The following KDM1A variants were observed in gnomAD, a reference collection of about 807,000 sequenced individuals.
KDM1A encodes lysine-specific histone demethylase 1A.
A neutral mutation model predicts 109.4 loss-of-function variants in KDM1A; 49 were observed. That is an observed-to-expected ratio of 0.45 (90% CI 0.36 to 0.57). The LOEUF (loss-of-function observed/expected upper bound fraction) is 0.57. KDM1A is among the 20% of genes least tolerant of loss of function. KDM1A has a pLI of 0.00. For synonymous variants in KDM1A, 380 were observed against 415.4 expected (o/e 0.91, Z 1.04); for missense variants, 668 against 1,116.6 (o/e 0.60, Z 5.73).
intron 2 of KDM1A, among the ~76,000 whole-genome samples, chr1:23,043,584 A>G (rs1191438337): frequency 2.0e-5 from 3 of 152,228 alleles, no homozygotes. Context: ...ATAGTGTACC[A>G]GGTGACTAGA....
chr1:23,034,418 A>G (rs1457850033), intron 2 of KDM1A, among the ~76,000 whole-genome samples: 5 of 152,150 alleles, frequency 3.3e-5, no homozygotes, highest in East Asian at 3.8e-4. Flanking sequence ...AATAGAGTCA[A>G]ATCTCCTTCA....
At chr1:23,076,698 G>A (rs939060720) in intron 15 of KDM1A, among the ~76,000 whole-genome samples, 24 of 152,140 alleles carry the variant, frequency 1.6e-4, no homozygotes, top group African/African-American at 5.1e-4. Context: ...AAGGCCGAGC[G>A]TGGTGGCTCA....
chr1:23,060,923 T>G (rs543846273), intron 9 of KDM1A, among the ~76,000 whole-genome samples: 1 of 152,218 alleles, frequency 6.6e-6, no homozygotes, highest in South Asian at 2.1e-4. Flanking sequence ...GCTATTACCG[T>G]CCTCAAGAAG....
intron 15 of KDM1A, among the ~76,000 whole-genome samples, chr1:23,074,198 T>C (rs1457520346): frequency 6.6e-6 from 1 of 152,244 alleles, no homozygotes; most frequent in Non-Finnish European, 1.5e-5. Flanking sequence ...ACTAGTGATG[T>C]AGAGCAACTC....
chr1:23,050,993 G>A (rs1642652247), intron 4 of KDM1A, among the ~76,000 whole-genome samples: 1 of 152,160 alleles, frequency 6.6e-6, no homozygotes, highest in African/African-American at 2.4e-5. Context: ...GCTGAAGCAG[G>A]AGAATCGCTT....
chr1:23,057,801 T>C, intron 8 of KDM1A: 1 of 42,930 alleles, frequency 2.3e-5, no homozygotes, highest in East Asian at 6.0e-4. Context: ...TGTTTGAAGC[T>C]TTTTTTTTTT....
In KDM1A at chr1:23,079,559, T is replaced by C. The variant is rs996944521; in HGVS notation, c.2062T>C (p.Leu688=). 2 of 1,612,936 alleles carry C rather than the reference T, an allele frequency of 1.2e-6. No homozygotes were observed. The highest frequency in any genetic ancestry group is 1.3e-5 in the African/African-American group (1 of 74,810). The part of the protein sequence containing the change: ...MGFGNLNKVV[L]CFDRVFWDPS... ...TGCTTCTTTCTTATGGTAGGTGGTGTTGTGTTTTGATCGGGTGTTCTGGGA... is the reference window on the plus strand; with the variant it reads ...TGCTTCTTTCTTATGGTAGGTGGTGCTGTGTTTTGATCGGGTGTTCTGGGA... The change falls in exon 18 of 21, where the codon TTG becomes CTG. Residue 688 remains leucine (L), a synonymous_variant. Transcript: ENST00000400181. This position sits in a 1 kb window ranked among gnomAD's most constrained non-coding sequence, Gnocchi z 5.6.
At chr1:23,036,444 G>GCCCCCCCCCCCCCCCCCCCCCCCCCACC (rs5773033) in intron 2 of KDM1A, among the ~76,000 whole-genome samples, 3 of 121,598 alleles carry the variant, frequency 2.5e-5, no homozygotes, top group Non-Finnish European at 5.1e-5. Context: ...TTCTTGCCAC[G>GCCCCCCCCCCCCCCCCCCCCCCCCCACC]CCCCCCCCCT....
intron 2 of KDM1A, among the ~76,000 whole-genome samples, chr1:23,040,843 G>T (rs1431647025): frequency 6.6e-6 from 1 of 152,184 alleles, no homozygotes; most frequent in Non-Finnish European, 1.5e-5. Flanking sequence ...GGACTATTTT[G>T]TAGGTTTGGT....
At chr1:23,056,610 T>G (rs1642837637) in intron 7 of KDM1A, among the ~76,000 whole-genome samples, 2 of 152,082 alleles carry the variant, frequency 1.3e-5, no homozygotes, top group African/African-American at 2.4e-5. Flanking sequence ...AACTGCTAAT[T>G]TTTTAAAAGA....
chr1:23,036,706 G>A (rs1209738008), intron 2 of KDM1A, among the ~76,000 whole-genome samples: 4 of 151,904 alleles, frequency 2.6e-5, no homozygotes, highest in African/African-American at 4.8e-5. Flanking sequence ...AGACATAAAT[G>A]CATAATGGAA....
chr1:23,042,723 A>T (rs1200302631), intron 2 of KDM1A, among the ~76,000 whole-genome samples: 1 of 150,564 alleles, frequency 6.6e-6, no homozygotes, highest in Non-Finnish European at 1.5e-5. Flanking sequence ...AAGTGCTGGG[A>T]TTACAGGCGT....
chr1:23,055,263 T>C (rs1642797882), intron 6 of KDM1A, 102 bp downstream of exon 6: 3 of 502,488 alleles, frequency 6.0e-6, no homozygotes, highest in Non-Finnish European at 1.0e-5. Flanking sequence ...TTTTGATTCA[T>C]AAGACTATAT....
At chr1:23,037,268 C>T (rs1436860766) in intron 2 of KDM1A, among the ~76,000 whole-genome samples, 1 of 147,570 alleles carries the variant, frequency 6.8e-6, no homozygotes, top group Admixed American at 6.8e-5. Flanking sequence ...CGTACCACTG[C>T]ACTCCAGCCT....
intron 2 of KDM1A, among the ~76,000 whole-genome samples, chr1:23,037,303 C>CAAAAAAA (rs34692132): frequency 9.0e-5 from 5 of 55,856 alleles, no homozygotes; most frequent in African/African-American, 2.6e-4. Context: ...GACCCTGTCT[C>CAAAAAAA]AAAAAAAAAA....
At position 23,079,512 on chromosome 1, in the gene KDM1A, T is replaced by C. The variant is rs1643559516; in HGVS notation, c.2056-41T>C. The C allele has an allele frequency of 5.5e-6, 8 of 1,458,048 alleles. No individual in the cohort carries two copies. Among genetic ancestry groups the C allele is most frequent in the Non-Finnish European group, 7.7e-6 (8 of 1,044,428 alleles). The allele number at this position is 1,458,048 out of a possible 1,614,324, so 90.3% of individuals were successfully genotyped here. On this transcript the variant is annotated intron_variant, in intron 17 of 20. Coordinates refer to ENST00000400181, the MANE Select transcript of KDM1A (RefSeq NM_001009999.3). The surrounding 1 kb of genome is among the most constrained non-coding windows in gnomAD (Gnocchi z 5.6). ...GAAGTCTGTTGAAGCCAGTATTATC[T>C]GGCCCCTGTCACTGGCTCATGTGCT... is the stretch of plus-strand genomic sequence containing the variant.
chr1:23,079,491 T>C lies in KDM1A; in HGVS notation c.2056-62T>C. 1.7e-6 allele frequency: 2 copies of C among 1,203,632 alleles called. No individual in the cohort carries two copies. Among genetic ancestry groups the C allele is most frequent in the South Asian group, 2.7e-5 (2 of 75,444 alleles). The allele number at this position is 1,203,632 out of a possible 1,614,324, so 74.6% of individuals were successfully genotyped here. On this transcript the variant is annotated intron_variant, in intron 17 of 20. Coordinates refer to ENST00000400181, the MANE Select transcript of KDM1A (RefSeq NM_001009999.3). This position sits in a 1 kb window ranked among gnomAD's most constrained non-coding sequence, Gnocchi z 5.6. The stretch of plus-strand genomic sequence containing the variant: ...CAGATTAGAAGAGACTTTAAGGAAG[T>C]CTGTTGAAGCCAGTATTATCTGGCC...
At position 23,066,819 on chromosome 1, in the gene KDM1A, T is replaced by C. The variant is rs190974516; in HGVS notation, c.1179+748T>C. Among the ~76,000 whole-genome samples, 643 of 152,346 alleles carry C rather than the reference T, an allele frequency of 4.2e-3. 7 individuals carry two copies. Among genetic ancestry groups the C allele is most frequent in the African/African-American group, 0.015 (617 of 41,586 alleles). On this transcript the variant is annotated intron_variant, in intron 10 of 20. Transcript: ENST00000400181. ...AATTTAGATTTCCAGAACCATCTTTTGTAGCATCATTGCAGGATTTGCACT... is the reference window on the plus strand; with the variant it reads ...AATTTAGATTTCCAGAACCATCTTTCGTAGCATCATTGCAGGATTTGCACT...
rs112998758 is a variant in KDM1A at position 23,079,189 on chromosome 1, T to C, written c.2055+12T>C. On this transcript the variant is annotated intron_variant, in intron 17 of 20. Transcript: ENST00000400181. The surrounding 1 kb of genome is among the most constrained non-coding windows in gnomAD (Gnocchi z 5.6). ...GCAACCTTAACAAGGTAGCTTGCCC[T>C]AGACACTCCTGTCTACAGATCTGAT... The C allele has an allele frequency of 4.3e-6, 7 of 1,612,594 alleles. No homozygotes were observed. In the African/African-American group the frequency reaches 8.0e-5, roughly 18 times the overall value.
Sources: allele counts gnomAD v4.1 joint callset (sites outside exome capture counted in the v4.1 genomes callset), GRCh38; gene constraint gnomAD v4.1.1; non-coding constraint Gnocchi (gnomAD v3.1); transcripts MANE v1.5; gene names NCBI Gene and HGNC (gene_info 2026-07-23, HGNC 2026-07-21).